DNM3: variants seen among roughly 807,000 people sequenced by gnomAD.
DNM3 encodes the protein dynamin 3, also known as dynamin-3.
DNM3 carries 47 observed loss-of-function variants against 101.6 expected under a neutral mutation model. That is an observed-to-expected ratio of 0.46 (90% CI 0.37 to 0.59). The LOEUF (loss-of-function observed/expected upper bound fraction) is 0.59, where lower values mean the gene tolerates loss of function less well. DNM3 is among the 20% of genes least tolerant of loss of function. DNM3 has a pLI of 0.00. For synonymous variants in DNM3, 385 were observed against 387.9 expected (o/e 0.99, Z 0.09); for missense variants, 849 against 1,085.7 (o/e 0.78, Z 3.06).
At chr1:171,889,181 G>A (rs2037042785) in intron 1 of DNM3, among the ~76,000 whole-genome samples, 1 of 152,040 alleles carries the variant, frequency 6.6e-6, no homozygotes, top group South Asian at 2.1e-4. Flanking sequence ...GTCTTGCTAT[G>A]TTGCCTGGGT....
chr1:172,415,980 G>A (rs1450770502), downstream of DNM3, among the ~76,000 whole-genome samples: 1 of 152,088 alleles, frequency 6.6e-6, no homozygotes. Flanking sequence ...TAATAATTGA[G>A]TCTTTTATAT....
chr1:172,413,169 G>GTTA (rs1284342261), downstream of DNM3, among the ~76,000 whole-genome samples: 1 of 152,176 alleles, frequency 6.6e-6, no homozygotes, highest in Non-Finnish European at 1.5e-5. Context: ...ATTAGCCTCT[G>GTTA]TTATTTGTTC....
chr1:172,104,130 A>T (rs1038358429), intron 13 of DNM3, among the ~76,000 whole-genome samples: 3 of 152,152 alleles, frequency 2.0e-5, no homozygotes, highest in African/African-American at 7.2e-5. Flanking sequence ...GATTTTTAGG[A>T]TTTTAAAAAT....
intron 1 of DNM3, among the ~76,000 whole-genome samples, chr1:171,906,301 A>C (rs897762221): frequency 1.3e-5 from 2 of 151,542 alleles, no homozygotes; most frequent in African/African-American, 4.8e-5. Context: ...CTAAGTTTTA[A>C]ATTTTTTGTA....
chr1:172,164,088 A>T (rs1375507965), intron 14 of DNM3, among the ~76,000 whole-genome samples: 1 of 152,048 alleles, frequency 6.6e-6, no homozygotes. Flanking sequence ...TTTATAATGA[A>T]CTAACCACTA....
intron 17 of DNM3, among the ~76,000 whole-genome samples, chr1:172,356,982 A>C (rs2067485024): frequency 6.6e-6 from 1 of 152,168 alleles, no homozygotes; most frequent in Non-Finnish European, 1.5e-5. Flanking sequence ...CAATGACTAA[A>C]TCTGGGACAA....
chr1:171,904,388 C>A (rs946125571), intron 1 of DNM3, among the ~76,000 whole-genome samples: 3 of 152,144 alleles, frequency 2.0e-5, no homozygotes, highest in Non-Finnish European at 4.4e-5. Flanking sequence ...GAGAAGCATA[C>A]AATCCATCCT....
intron 1 of DNM3, among the ~76,000 whole-genome samples, chr1:171,899,131 C>T (rs1449142491): frequency 2.0e-5 from 3 of 152,204 alleles, no homozygotes; most frequent in Non-Finnish European, 2.9e-5. Flanking sequence ...GCCTTAGTAA[C>T]GTCAGCAGGA....
chr1:172,038,404 A>G lies in DNM3; in HGVS notation c.935A>G (p.Glu312Gly), dbSNP rs2049123007. 3 of 1,613,366 alleles carry G rather than the reference A, an allele frequency of 1.9e-6. No homozygotes were observed. Residue 312 changes from glutamate to glycine, a missense_variant, in exon 7 of 21, where the codon GAA becomes GGA. Physicochemically the swap from Glu to Gly is moderately conservative, Grantham distance 98. Transcript: ENST00000627582. ...TTGCTCTCCATAGAACATGAAGTAG[A>G]AGCCTACAAAAATTTCAAACCAGAA... ...GQLLSIEHEV[E>G]AYKNFKPEDP...
intron 10 of DNM3, among the ~76,000 whole-genome samples, chr1:172,049,769 A>G (rs1381785329): frequency 6.6e-6 from 1 of 152,114 alleles, no homozygotes; most frequent in Non-Finnish European, 1.5e-5. Context: ...TTTCTGAAAA[A>G]CCAGTGGGAA....
intron 2 of DNM3, among the ~76,000 whole-genome samples, chr1:171,975,165 G>C (rs1419637678): frequency 6.6e-6 from 1 of 151,852 alleles, no homozygotes; most frequent in Non-Finnish European, 1.5e-5. Flanking sequence ...CCATTGTTTT[G>C]CTTTTTAAAA....
intron 17 of DNM3, among the ~76,000 whole-genome samples, chr1:172,355,161 C>T (rs1239110153): frequency 6.6e-6 from 1 of 151,940 alleles, no homozygotes. Flanking sequence ...AACATAAATA[C>T]TCTCTGGAGC....
At chr1:172,213,018 A>T (rs1301842123) in intron 14 of DNM3, among the ~76,000 whole-genome samples, 1 of 152,140 alleles carries the variant, frequency 6.6e-6, no homozygotes, top group Admixed American at 6.5e-5. Context: ...CAGGTCAAAG[A>T]GCTACTTGGA....
chr1:172,170,378 A>G (rs565964116), intron 14 of DNM3, among the ~76,000 whole-genome samples: 71 of 151,956 alleles, frequency 4.7e-4, no homozygotes, highest in African/African-American at 1.6e-3. Context: ...ATTTAACAAC[A>G]AAGCAGGAGG....
intron 1 of DNM3, among the ~76,000 whole-genome samples, chr1:171,870,894 G>A (rs79368147): frequency 0.016 from 2,404 of 152,168 alleles, 72 homozygotes; most frequent in African/African-American, 0.055. Flanking sequence ...CCCAGAGTAC[G>A]ACAGAATTTG....
chr1:172,352,163 G>A (rs753560695), intron 17 of DNM3, among the ~76,000 whole-genome samples: 1 of 152,104 alleles, frequency 6.6e-6, no homozygotes, highest in Non-Finnish European at 1.5e-5. Flanking sequence ...TTTGAACCTA[G>A]AGCTGTCACT....
downstream of DNM3, among the ~76,000 whole-genome samples, chr1:172,417,532 C>A (rs1218432093): frequency 6.6e-6 from 1 of 152,160 alleles, no homozygotes; most frequent in Non-Finnish European, 1.5e-5. Flanking sequence ...TTTCATTTAC[C>A]TTGGGCCCAC....
chr1:172,410,538 G>A lies in DNM3; in HGVS notation c.*2697G>A, dbSNP rs895197248. 1.2e-5 allele frequency: 12 copies of A among 983,326 alleles called. No homozygotes were observed. Among genetic ancestry groups the A allele is most frequent in the Non-Finnish European group, 1.4e-5 (12 of 828,086 alleles). 60.9% of individuals were successfully genotyped at this position (983,326 alleles called of 1,614,324 possible). A position where few individuals can be genotyped will look rare whatever the true frequency, so the allele number is the denominator to read the frequency against. ...ACATGCTAAATATTGCATGCATATT[G>A]ACTAATTGGAATAACCATTTACTCA... On this transcript the variant is annotated 3_prime_UTR_variant, in exon 21 of 21. Transcript: ENST00000627582.
intron 4 of DNM3, among the ~76,000 whole-genome samples, chr1:172,007,182 G>A (rs1006939258): frequency 6.6e-6 from 1 of 152,054 alleles, no homozygotes; most frequent in African/African-American, 2.4e-5. Flanking sequence ...CCTAAGAGAG[G>A]AATTGCACAT....
Sources: gnomAD v4.1 joint callset for allele counts (sites outside exome capture counted in the v4.1 genomes callset) on GRCh38, gnomAD v4.1.1 for gene constraint, MANE v1.5 for transcripts, NCBI Gene and HGNC (gene_info 2026-07-23, HGNC 2026-07-21) for gene names.